The following KIAA0753 variants were observed in gnomAD, a reference collection of about 807,000 sequenced individuals.
The protein encoded by KIAA0753 is KIAA0753.
Under a neutral mutation model 116.9 loss-of-function variants are expected in KIAA0753, and 114 were observed. The ratio of observed to expected loss-of-function variants is 0.98; its 90% CI spans 0.84 to 1.14. KIAA0753 has a LOEUF of 1.14. KIAA0753 is among the 50% of genes most tolerant of loss of function. The pLI is 0.00. For missense variants in KIAA0753, 1,156 were observed against 1,172.4 expected (o/e 0.99, Z 0.20); for synonymous variants, 405 against 413.1 (o/e 0.98, Z 0.24).
chr17:6,607,334 G>A, intron 10 of KIAA0753, 64 bp from the exon 11 acceptor site: 1 of 1,321,916 alleles, frequency 7.6e-7, no homozygotes, highest in Non-Finnish European at 1.1e-6. Flanking sequence ...CATCATCACA[G>A]AAACAGACCA....
At chr17:6,580,180 C>T (rs914726784) in intron 18 of KIAA0753, among the ~76,000 whole-genome samples, 7 of 151,452 alleles carry the variant, frequency 4.6e-5, no homozygotes, top group African/African-American at 7.3e-5. Context: ...AGTGAGATTC[C>T]GTCTCAAAAT....
At position 6,640,710 on chromosome 17, in the gene KIAA0753, CT is replaced by C; in HGVS notation, c.-143del. 1 of 162,882 alleles carries C rather than the reference CT, an allele frequency of 6.1e-6. No individual in the cohort carries two copies. Among genetic ancestry groups the C allele is most frequent in the Non-Finnish European group, 1.3e-5 (1 of 74,254 alleles). 10.1% of individuals were successfully genotyped at this position (162,882 alleles called of 1,614,324 possible). Reference sequence around the variant, plus strand: ...CCAACAAGGCCGCGCTTCCGGCCGCCTGCCCAGTCGCCATAGCAACAGGCGC... The same window carrying C: ...CCAACAAGGCCGCGCTTCCGGCCGCCGCCCAGTCGCCATAGCAACAGGCGC... On this transcript the variant is annotated 5_prime_UTR_variant, in exon 1 of 19. Transcript: ENST00000361413.
chr17:6,625,717 T>C (rs1259064313), intron 3 of KIAA0753, among the ~76,000 whole-genome samples: 3 of 152,158 alleles, frequency 2.0e-5, no homozygotes, highest in Non-Finnish European at 4.4e-5. Flanking sequence ...TAGCATCTTA[T>C]TGTAAACATT....
At chr17:6,581,969 G>A (rs530633113) in intron 18 of KIAA0753, among the ~76,000 whole-genome samples, 10 of 152,244 alleles carry the variant, frequency 6.6e-5, no homozygotes, top group East Asian at 1.9e-4. Context: ...CATGGAGAAC[G>A]GTATTTAGAA....
At chr17:6,625,441 C>T (rs565432560) in intron 3 of KIAA0753, among the ~76,000 whole-genome samples, 7 of 151,886 alleles carry the variant, frequency 4.6e-5, no homozygotes, top group African/African-American at 1.2e-4. Context: ...CTGAGATGGG[C>T]GGATCACCTG....
At position 6,639,147 on chromosome 17, in the gene KIAA0753, C is replaced by T. The variant is rs1972506573; in HGVS notation, c.-69+1490G>A. 6.5e-6 allele frequency: 1 copy of T among 153,124 alleles called. No individual in the cohort carries two copies. Among genetic ancestry groups the T allele is most frequent in the South Asian group, 2.0e-4 (1 of 4,882 alleles). The allele number at this position is 153,124 out of a possible 1,614,324, so 9.5% of individuals were successfully genotyped here. ...CCTCCACAGCCTGTCTCCTGTAACACACACCTGCGGCACCCACAGAAGTAG... is the reference window on the plus strand; with the variant it reads ...CCTCCACAGCCTGTCTCCTGTAACATACACCTGCGGCACCCACAGAAGTAG... On this transcript the variant is annotated intron_variant, in intron 1 of 18. Transcript: ENST00000361413. This position sits in a 1 kb window ranked among gnomAD's most constrained non-coding sequence, Gnocchi z 4.3.
Position 6,608,482 on chromosome 17 carries a change from G to C in KIAA0753, c.1713-18C>G, listed in dbSNP as rs1350049005. On this transcript the variant is annotated intron_variant, in intron 9 of 18. Coordinates refer to ENST00000361413, the MANE Select transcript of KIAA0753 (RefSeq NM_014804.3). ...ATGCAGCACTGAAATAAATGGAAAAGCATACCTTTGTCATCATTCACTCCG... is the reference window on the plus strand; with the variant it reads ...ATGCAGCACTGAAATAAATGGAAAACCATACCTTTGTCATCATTCACTCCG... 1.4e-6 allele frequency: 2 copies of C among 1,393,420 alleles called. No homozygotes were observed. The highest frequency in any genetic ancestry group is 1.5e-5 in the African/African-American group (1 of 68,072). 86.3% of individuals were successfully genotyped at this position (1,393,420 alleles called of 1,614,324 possible).
chr17:6,629,137 G>A (rs777317475), intron 2 of KIAA0753, among the ~76,000 whole-genome samples: 2 of 152,146 alleles, frequency 1.3e-5, no homozygotes, highest in African/African-American at 4.8e-5. Context: ...TTTGCTCCAC[G>A]GATAGATCCA....
chr17:6,616,210 C>T (rs900882239), intron 7 of KIAA0753, among the ~76,000 whole-genome samples: 3 of 152,216 alleles, frequency 2.0e-5, no homozygotes, highest in Non-Finnish European at 4.4e-5. Context: ...TTCTGGCTTT[C>T]GGTCCCAGGC....
intron 13 of KIAA0753, among the ~76,000 whole-genome samples, chr17:6,599,636 T>G (rs1056042209): frequency 6.7e-6 from 1 of 148,932 alleles, no homozygotes; most frequent in Admixed American, 6.7e-5. Context: ...CTTGATTTCT[T>G]TTTTTTTTTT....
intron 12 of KIAA0753, among the ~76,000 whole-genome samples, chr17:6,601,864 A>G (rs1969894678): frequency 6.6e-6 from 1 of 152,206 alleles, no homozygotes; most frequent in African/African-American, 2.4e-5. Context: ...ACAAAGATCT[A>G]TGGGCGAGCC....
intron 2 of KIAA0753, among the ~76,000 whole-genome samples, chr17:6,632,184 G>A (rs903778476): frequency 1.3e-5 from 2 of 152,270 alleles, no homozygotes; most frequent in South Asian, 2.1e-4. Flanking sequence ...TTACAGGCAT[G>A]AGCCACAACG....
At chr17:6,589,447 G>C (rs1968822251) in intron 18 of KIAA0753, among the ~76,000 whole-genome samples, 1 of 150,762 alleles carries the variant, frequency 6.6e-6, no homozygotes, top group Non-Finnish European at 1.5e-5. Flanking sequence ...ATGACAGCCT[G>C]AGCTGACTAG....
chr17:6,592,542 C>T (rs374762219), intron 16 of KIAA0753, among the ~76,000 whole-genome samples: 3 of 152,228 alleles, frequency 2.0e-5, no homozygotes, highest in African/African-American at 4.8e-5. Context: ...CATATATATA[C>T]ATTTTGAAAA....
intron 15 of KIAA0753, among the ~76,000 whole-genome samples, 186 bp from the exon 16 acceptor site, chr17:6,595,239 G>A (rs545163435): frequency 1.3e-5 from 2 of 152,318 alleles, no homozygotes; most frequent in South Asian, 2.1e-4. Context: ...GAAGCAATTA[G>A]CATAAAGGCA....
intron 12 of KIAA0753, among the ~76,000 whole-genome samples, chr17:6,601,703 C>G (rs1224713323): frequency 6.6e-6 from 1 of 152,112 alleles, no homozygotes; most frequent in Non-Finnish European, 1.5e-5. Flanking sequence ...CTATAAAATA[C>G]TTAAAGGAAA....
At position 6,628,284 on chromosome 17, in the gene KIAA0753, T is replaced by C; in HGVS notation, c.551A>G (p.Asp184Gly). The C allele has an allele frequency of 6.2e-7, 1 of 1,614,170 alleles. No individual in the cohort carries two copies. The highest frequency in any genetic ancestry group is 8.5e-7 in the Non-Finnish European group (1 of 1,180,032). ...YLYSSHPGQSDLTVPNSPPTH... is the reference protein window; with the variant it reads ...YLYSSHPGQSGLTVPNSPPTH... ...GGGTGGCGAATTTGGCACAGTAAGATCTGACTGGCCTGGATGAGATGAGTA... is the reference window on the plus strand; with the variant it reads ...GGGTGGCGAATTTGGCACAGTAAGACCTGACTGGCCTGGATGAGATGAGTA... Residue 184 changes from aspartate (D) to glycine (G), a missense_variant, in exon 3 of 19, where the codon GAT (aspartate) becomes GGT (glycine). Coordinates refer to ENST00000361413, the MANE Select transcript of KIAA0753 (RefSeq NM_014804.3).
At chr17:6,624,128 G>A (rs147001575) in intron 4 of KIAA0753, 1 of 152,594 alleles carries the variant, frequency 6.6e-6, no homozygotes, top group African/African-American at 2.4e-5. Flanking sequence ...GACCAGAAAT[G>A]AGTAAAAGGC....
chr17:6,630,135 A>G (rs760649585), intron 2 of KIAA0753, among the ~76,000 whole-genome samples: 1 of 151,566 alleles, frequency 6.6e-6, no homozygotes, highest in Non-Finnish European at 1.5e-5. Flanking sequence ...AATAATAATA[A>G]TTATAATAAT....
Sources: allele counts gnomAD v4.1 joint callset (sites outside exome capture counted in the v4.1 genomes callset), GRCh38; gene constraint gnomAD v4.1.1; non-coding constraint Gnocchi (gnomAD v3.1); transcripts MANE v1.5; gene names NCBI Gene and HGNC (gene_info 2026-07-23, HGNC 2026-07-21).